SNTG1: variants seen among roughly 807,000 people sequenced by gnomAD.
SNTG1 encodes syntrophin gamma 1, also known as gamma-1-syntrophin.
A neutral mutation model predicts 74.7 loss-of-function variants in SNTG1; 39 were observed. That is an observed-to-expected ratio of 0.52 (90% CI 0.40 to 0.68). SNTG1 has a LOEUF of 0.68. Among genes scored for constraint, SNTG1 ranks in the 30% least tolerant of loss-of-function variants. The probability of loss-of-function intolerance (pLI) is 0.00; values close to 1 mark genes in which losing one functional copy is unlikely to be tolerated. For synonymous variants in SNTG1, 254 were observed against 217.1 expected (o/e 1.17, Z -1.49); for missense variants, 685 against 609.5 (o/e 1.12, Z -1.30).
intron 13 of SNTG1, among the ~76,000 whole-genome samples, chr8:50,620,824 T>C (rs1187557814): frequency 6.6e-6 from 1 of 152,114 alleles, no homozygotes; most frequent in African/African-American, 2.4e-5. Context: ...GGGAAAGAAG[T>C]ATAAGAAGGG....
At chr8:50,777,310 T>C (rs1004956792) in intron 18 of SNTG1, among the ~76,000 whole-genome samples, 8 of 149,314 alleles carry the variant, frequency 5.4e-5, no homozygotes, top group African/African-American at 1.7e-4. Flanking sequence ...TTTTTCAATC[T>C]TTCTTACAAC....
At chr8:50,084,011 C>A (rs532145641) in intron 1 of SNTG1, among the ~76,000 whole-genome samples, 1 of 152,280 alleles carries the variant, frequency 6.6e-6, no homozygotes, top group South Asian at 2.1e-4. Context: ...GTTCTTCATT[C>A]TTTTAGCATT....
chr8:50,544,464 G>A (rs2623211), intron 11 of SNTG1, among the ~76,000 whole-genome samples: 18 of 151,592 alleles, frequency 1.2e-4, no homozygotes, highest in African/African-American at 4.1e-4. Context: ...TAAGAGCTCT[G>A]TTAATATTTC....
chr8:50,270,254 C>A (rs577373701), intron 2 of SNTG1, among the ~76,000 whole-genome samples: 1 of 151,944 alleles, frequency 6.6e-6, no homozygotes, highest in African/African-American at 2.4e-5. Context: ...GAGTGACAGA[C>A]GCTATTAAAA....
intron 8 of SNTG1, among the ~76,000 whole-genome samples, chr8:50,453,278 A>G (rs2093472869): frequency 6.6e-6 from 1 of 151,050 alleles, no homozygotes; most frequent in East Asian, 1.9e-4. Context: ...TGTGGATGGG[A>G]TTCTGTAACC....
intron 1 of SNTG1, among the ~76,000 whole-genome samples, chr8:49,999,024 A>G (rs1026704551): frequency 6.6e-6 from 1 of 152,146 alleles, no homozygotes; most frequent in African/African-American, 2.4e-5. Context: ...GATGGCTACC[A>G]TGTCACCAGG....
intron 2 of SNTG1, among the ~76,000 whole-genome samples, chr8:50,304,351 C>T (rs371065390): frequency 6.6e-6 from 1 of 152,184 alleles, no homozygotes; most frequent in African/African-American, 2.4e-5. Context: ...TTATAAATCA[C>T]CCTGTTTGTA....
In SNTG1 at chr8:50,319,572, C is replaced by G. The variant is rs779873464; in HGVS notation, c.-27-74640C>G. Among the ~76,000 whole-genome samples the G allele has an allele frequency of 1.4e-4, 22 of 152,068 alleles. 1 individual carries two copies. The highest frequency in any genetic ancestry group is 2.9e-5 in the Non-Finnish European group (2 of 68,012). ...TATGGCCTTTATATCTTTATCTTGT[C>G]TGATTAATCTAGCTAATACTTCCAG... is the stretch of plus-strand genomic sequence containing the variant. On this transcript the variant is annotated intron_variant, in intron 2 of 18. Transcript: ENST00000642720.
At chr8:50,617,889 G>T (rs749725887) in intron 13 of SNTG1, among the ~76,000 whole-genome samples, 9 of 152,112 alleles carry the variant, frequency 5.9e-5, no homozygotes, top group Non-Finnish European at 1.2e-4. Flanking sequence ...GTGTGGCACC[G>T]GGCTGTCTGC....
At chr8:50,118,395 T>C (rs1272082400) in intron 1 of SNTG1, among the ~76,000 whole-genome samples, 1 of 152,236 alleles carries the variant, frequency 6.6e-6, no homozygotes, top group Non-Finnish European at 1.5e-5. Flanking sequence ...TAAGATTTAT[T>C]AACTGCTAAG....
intron 17 of SNTG1, among the ~76,000 whole-genome samples, chr8:50,746,648 G>C (rs1419034986): frequency 6.6e-6 from 1 of 151,578 alleles, no homozygotes; most frequent in Non-Finnish European, 1.5e-5. Flanking sequence ...CTAAATAAAT[G>C]ATAGACCTTA....
intron 17 of SNTG1, among the ~76,000 whole-genome samples, chr8:50,715,398 A>C (rs2095472605): frequency 6.6e-6 from 1 of 152,180 alleles, no homozygotes; most frequent in South Asian, 2.1e-4. Context: ...TAATAGTTGA[A>C]ATTGAGAATG....
intron 1 of SNTG1, among the ~76,000 whole-genome samples, chr8:50,062,644 A>G (rs941048584): frequency 6.6e-6 from 1 of 152,196 alleles, no homozygotes; most frequent in Non-Finnish European, 1.5e-5. Flanking sequence ...GTCTTTGAAT[A>G]GAAATAAGTT....
chr8:50,437,245 A>G (rs555228822), intron 4 of SNTG1, among the ~76,000 whole-genome samples: 2 of 152,270 alleles, frequency 1.3e-5, no homozygotes, highest in Admixed American at 1.3e-4. Context: ...TTTCTAAGTA[A>G]ATATGCACCA....
rs137857455 is a variant in SNTG1 at position 50,611,535 on chromosome 8, T to A, written c.849+20618T>A. Among the ~76,000 whole-genome samples, 1,204 of 152,282 alleles carry A rather than the reference T, an allele frequency of 7.9e-3. 12 individuals are homozygous for A. The highest frequency in any genetic ancestry group is 0.027 in the African/African-American group (1,102 of 41,556). On this transcript the variant is annotated intron_variant, in intron 13 of 18. Coordinates refer to ENST00000642720, the MANE Select transcript of SNTG1 (RefSeq NM_018967.5). Reference sequence around the variant, plus strand: ...ATTCAGAAAAAAGGCATAAAATAAGTGACTATGATATTTATTCTATTATAC... The same window carrying A: ...ATTCAGAAAAAAGGCATAAAATAAGAGACTATGATATTTATTCTATTATAC...
intron 2 of SNTG1, among the ~76,000 whole-genome samples, chr8:50,351,219 G>A (rs950222734): frequency 3.2e-4 from 48 of 152,156 alleles, no homozygotes; most frequent in Non-Finnish European, 2.8e-4. Flanking sequence ...GTAGAATTAG[G>A]GTGTTGGAGT....
At position 50,173,046 on chromosome 8, in the gene SNTG1, G is replaced by A. The variant is rs575922133; in HGVS notation, c.-28+411G>A. On this transcript the variant is annotated intron_variant, in intron 2 of 18. Coordinates refer to ENST00000642720, the MANE Select transcript of SNTG1 (RefSeq NM_018967.5). ...GGAGTTACACATTTCAGTGAGCTGCGATTTTCTGAGAAGGGCAGACACTCA... is the reference window on the plus strand; with the variant it reads ...GGAGTTACACATTTCAGTGAGCTGCAATTTTCTGAGAAGGGCAGACACTCA... 2.6e-5 allele frequency among the ~76,000 whole-genome samples: 4 copies of A among 152,276 alleles called. No homozygotes were observed. In the South Asian group the frequency reaches 6.2e-4, roughly 24 times the overall value.
intron 2 of SNTG1, among the ~76,000 whole-genome samples, chr8:50,368,580 G>A (rs1262620554): frequency 6.6e-6 from 1 of 152,094 alleles, no homozygotes; most frequent in Non-Finnish European, 1.5e-5. Flanking sequence ...AACAGCAAAT[G>A]GATTACACCA....
chr8:50,414,373 G>T (rs77793052), intron 4 of SNTG1, among the ~76,000 whole-genome samples: 7,109 of 152,152 alleles, frequency 0.047, 215 homozygotes, highest in Middle Eastern at 0.095. Flanking sequence ...CAGATCTGAG[G>T]TCAAGATTGG....
Sources: allele counts gnomAD v4.1 joint callset (sites outside exome capture counted in the v4.1 genomes callset), GRCh38; gene constraint gnomAD v4.1.1; transcripts MANE v1.5; gene names NCBI Gene and HGNC (gene_info 2026-07-23, HGNC 2026-07-21).